Variants in NHSL1 observed in about 807,000 individuals in gnomAD.
NHSL1 encodes NHS-like protein 1.
Under a neutral mutation model 95.0 loss-of-function variants are expected in NHSL1, and 48 were observed. The observed-to-expected ratio is 0.51, with a 90% CI of 0.40 to 0.64. The LOEUF (loss-of-function observed/expected upper bound fraction) is 0.64, where lower values mean the gene tolerates loss of function less well. NHSL1 is among the 30% of genes least tolerant of loss of function. The pLI is 0.00. For missense variants in NHSL1, 1,971 were observed against 2,077.7 expected (o/e 0.95, Z 1.00); for synonymous variants, 783 against 833.9 (o/e 0.94, Z 1.05).
At position 138,430,660 on chromosome 6, in the gene NHSL1, T is replaced by G. The variant is rs1294264603; in HGVS notation, c.3685A>C (p.Ser1229Arg). 2 of 1,551,314 alleles carry G rather than the reference T, an allele frequency of 1.3e-6. No individual in the cohort carries two copies. The highest frequency in any genetic ancestry group is 1.7e-6 in the Non-Finnish European group (2 of 1,147,012). ...NVSEALRAVP[S>R]PTTGEEGSVH... ...GAGCCCTCCTCTCCCGTCGTGGGGC[T>G]GGGCACAGCTCGGAGGGCTTCGCTC... is the stretch of plus-strand genomic sequence containing the variant. The change falls in exon 6 of 8, where the codon AGC (serine) becomes CGC (arginine). Residue 1229 changes from serine (S) to arginine (R), a missense_variant. This residue lies in a region of NHSL1 where 1,602 missense variants were observed against 1,654.5 expected (regional missense o/e 0.97). Coordinates refer to ENST00000343505, the MANE Select transcript of NHSL1 (RefSeq NM_001144060.2). The surrounding 1 kb of genome is among the most constrained non-coding windows in gnomAD (Gnocchi z 4.7).
intron 3 of NHSL1, among the ~76,000 whole-genome samples, chr6:138,459,437 T>A (rs1583216508): frequency 1.3e-5 from 2 of 152,244 alleles, no homozygotes; most frequent in Non-Finnish European, 2.9e-5. Context: ...TTGCTGTATA[T>A]TACTTGTATA....
intron 3 of NHSL1, among the ~76,000 whole-genome samples, chr6:138,469,449 C>T (rs1299037403): frequency 1.3e-5 from 2 of 152,158 alleles, no homozygotes; most frequent in South Asian, 2.1e-4. Context: ...CAAGGCTGAG[C>T]GCGATGACTC....
intron 3 of NHSL1, among the ~76,000 whole-genome samples, chr6:138,455,152 G>A (rs1777499037): frequency 6.6e-6 from 1 of 152,250 alleles, no homozygotes; most frequent in African/African-American, 2.4e-5. Flanking sequence ...GCAGAGCAGT[G>A]AGCATTGACT....
At chr6:138,447,297 G>T in intron 3 of NHSL1, 104 bp from the exon 4 acceptor site, 1 of 935,266 alleles carries the variant, frequency 1.1e-6, no homozygotes, top group Non-Finnish European at 1.6e-6. Context: ...TTTAAAAGAA[G>T]CCAAAATAAT....
chr6:138,590,304 T>C (rs1307731374), intron 1 of NHSL1, among the ~76,000 whole-genome samples: 1 of 152,236 alleles, frequency 6.6e-6, no homozygotes, highest in Non-Finnish European at 1.5e-5. Flanking sequence ...GGCCTACTCA[T>C]ACCTTTCATG....
At chr6:138,485,004 G>A (rs1448094372) in intron 2 of NHSL1, among the ~76,000 whole-genome samples, 1 of 152,220 alleles carries the variant, frequency 6.6e-6, no homozygotes, top group Non-Finnish European at 1.5e-5. Flanking sequence ...CATGATTAAT[G>A]TGAGTGTGCT....
chr6:138,572,758 C>A (rs1183534635), upstream of NHSL1, among the ~76,000 whole-genome samples: 1 of 152,156 alleles, frequency 6.6e-6, no homozygotes, highest in Non-Finnish European at 1.5e-5. Flanking sequence ...GTGCAGAATA[C>A]AGACTTCTGG....
At chr6:138,466,042 G>C (rs537488342) in intron 3 of NHSL1, among the ~76,000 whole-genome samples, 6 of 69,326 alleles carry the variant, frequency 8.7e-5, no homozygotes, top group East Asian at 4.7e-4. Flanking sequence ...ACTCCTTTTT[G>C]GGGGGGGGGC....
intron 3 of NHSL1, among the ~76,000 whole-genome samples, chr6:138,467,041 AC>A (rs1778426652): frequency 6.6e-6 from 1 of 152,186 alleles, no homozygotes; most frequent in South Asian, 2.1e-4. Flanking sequence ...CAACAAAAAA[AC>A]AAAATATGAC....
chr6:138,472,560 A>C (rs568994448), intron 3 of NHSL1, among the ~76,000 whole-genome samples: 6 of 152,374 alleles, frequency 3.9e-5, no homozygotes, highest in East Asian at 1.9e-4. Context: ...TTAATTAAAA[A>C]TGGTTGTGAA....
At chr6:138,644,165 AC>A (rs1317399684) in intron 1 of NHSL1, among the ~76,000 whole-genome samples, 5 of 152,158 alleles carry the variant, frequency 3.3e-5, no homozygotes, top group Non-Finnish European at 5.9e-5. Flanking sequence ...AGACTGCAAA[AC>A]AATTCTCAAA....
intron 1 of NHSL1, among the ~76,000 whole-genome samples, chr6:138,620,684 TAC>T (rs35477076): frequency 0.17 from 26,467 of 152,026 alleles, 3,453 homozygotes; most frequent in African/African-American, 0.37. Context: ...TTAGAACAAA[TAC>T]ACTTTTCCAT....
chr6:138,536,097 C>T (rs1049055602), intron 1 of NHSL1, among the ~76,000 whole-genome samples: 3 of 152,050 alleles, frequency 2.0e-5, no homozygotes, highest in Admixed American at 6.6e-5. Context: ...AAACATAGTC[C>T]AAAACAGCAG....
At chr6:138,462,578 C>T (rs1324425125) in intron 3 of NHSL1, among the ~76,000 whole-genome samples, 1 of 152,166 alleles carries the variant, frequency 6.6e-6, no homozygotes, top group Non-Finnish European at 1.5e-5. Flanking sequence ...ATATCCAAAC[C>T]ACAGCAGGCA....
chr6:138,685,041 G>A (rs1313644838), intron 1 of NHSL1, among the ~76,000 whole-genome samples: 1 of 152,032 alleles, frequency 6.6e-6, no homozygotes, highest in East Asian at 1.9e-4. Flanking sequence ...ACTGCCAGAG[G>A]CAAATATTGC....
intron 1 of NHSL1, among the ~76,000 whole-genome samples, chr6:138,652,781 A>G (rs1196386241): frequency 1.3e-5 from 2 of 152,242 alleles, no homozygotes; most frequent in Non-Finnish European, 2.9e-5. Flanking sequence ...GTTTATGCAC[A>G]AGTTTCACAC....
At chr6:138,460,882 C>T (rs538087020) in intron 3 of NHSL1, among the ~76,000 whole-genome samples, 3 of 151,738 alleles carry the variant, frequency 2.0e-5, no homozygotes, top group Non-Finnish European at 2.9e-5. Context: ...ATCCATAGCA[C>T]GACCCATCCA....
At chr6:138,673,527 C>T (rs777764918) in intron 1 of NHSL1, among the ~76,000 whole-genome samples, 16 of 151,668 alleles carry the variant, frequency 1.1e-4, no homozygotes, top group Non-Finnish European at 2.1e-4. Flanking sequence ...GGCCCAATTC[C>T]ATATAACACA....
chr6:138,479,771 G>C (rs778929450), intron 2 of NHSL1, among the ~76,000 whole-genome samples: 2 of 152,290 alleles, frequency 1.3e-5, no homozygotes, highest in Middle Eastern at 3.4e-3. Context: ...ATAAAAGTAC[G>C]TGGACATTTT....
Sources: gnomAD v4.1 joint callset for allele counts (sites outside exome capture counted in the v4.1 genomes callset) on GRCh38, gnomAD v4.1.1 for gene constraint, gnomAD v4.1.1 regional missense constraint, Gnocchi (gnomAD v3.1) non-coding constraint, MANE v1.5 for transcripts, NCBI Gene and HGNC (gene_info 2026-07-23, HGNC 2026-07-21) for gene names.